SOX5: variants seen among roughly 807,000 people sequenced by gnomAD.
SOX5 encodes the protein SRY-box transcription factor 5.
In SOX5, 9 loss-of-function variants were observed where a neutral mutation model predicts 92.0. That is an observed-to-expected ratio of 0.10 (90% confidence interval 0.06 to 0.17). The LOEUF (loss-of-function observed/expected upper bound fraction) is 0.17, where lower values mean the gene tolerates loss of function less well. Ranked by LOEUF, SOX5 falls within the 10% of genes least tolerant of loss-of-function variation. The pLI is 1.00. For synonymous variants in SOX5, 344 were observed against 336.3 expected (o/e 1.02, Z -0.25); for missense variants, 642 against 944.5 (o/e 0.68, Z 4.20).
chr12:23,859,528 G>A (rs752769216), intron 2 of SOX5, among the ~76,000 whole-genome samples: 2 of 152,132 alleles, frequency 1.3e-5, no homozygotes, highest in South Asian at 2.1e-4. Context: ...TGTGCCCAGC[G>A]GGACATGGAC....
At chr12:24,299,795 A>G (rs1475169589) in intron 2 of SOX5, among the ~76,000 whole-genome samples, 1 of 152,096 alleles carries the variant, frequency 6.6e-6, no homozygotes, top group African/African-American at 2.4e-5. Context: ...GCATCAAACA[A>G]AGGCTTATTT....
Position 24,393,168 on chromosome 12 carries a change from CA to C in SOX5, c.-250-24530del, listed in dbSNP as rs5797082. 0.36 allele frequency among the ~76,000 whole-genome samples: 54,579 copies of C among 152,010 alleles called. 12,365 individuals carry two copies. The highest frequency in any genetic ancestry group is 0.78 in the East Asian group (4,021 of 5,182). On this transcript the variant is annotated intron_variant, in intron 1 of 4. Coordinates refer to the SOX5 transcript ENST00000446891. This position sits in a 1 kb window ranked among gnomAD's most constrained non-coding sequence, Gnocchi z 5.0. ...AAAATACAGCAAAATTAGAAGCTGG[CA>C]AAAAAACAAACCCACTGCCTGGGGC...
At chr12:23,864,403 T>C (rs1407525397) in intron 2 of SOX5, among the ~76,000 whole-genome samples, 1 of 152,102 alleles carries the variant, frequency 6.6e-6, no homozygotes, top group African/African-American at 2.4e-5. Flanking sequence ...AAGCTAGAAA[T>C]TATTATACTT....
At chr12:24,506,996 T>A (rs1004878727) in intron 1 of SOX5, among the ~76,000 whole-genome samples, 5 of 151,792 alleles carry the variant, frequency 3.3e-5, no homozygotes, top group African/African-American at 1.2e-4. Flanking sequence ...TTCACCTTGT[T>A]AGCCAGGATG....
intron 4 of SOX5, among the ~76,000 whole-genome samples, chr12:24,024,901 T>C (rs1954708129): frequency 6.6e-6 from 1 of 152,018 alleles, no homozygotes; most frequent in Non-Finnish European, 1.5e-5. Flanking sequence ...CAAACTTCTC[T>C]ACCCTATAGG....
chr12:23,966,011 C>A (rs1947518464), intron 4 of SOX5, among the ~76,000 whole-genome samples: 2 of 151,932 alleles, frequency 1.3e-5, no homozygotes, highest in African/African-American at 4.8e-5. Context: ...TCTGTGCTGT[C>A]CATTGCTTAA....
At chr12:24,345,239 CT>C (rs1191064541) in intron 2 of SOX5, among the ~76,000 whole-genome samples, 2 of 152,308 alleles carry the variant, frequency 1.3e-5, no homozygotes, top group Middle Eastern at 3.4e-3. Context: ...TTCAGCTATA[CT>C]GTGGAACAGA....
intron 9 of SOX5, among the ~76,000 whole-genome samples, chr12:23,603,657 A>T (rs1166883831): frequency 4.0e-5 from 6 of 151,798 alleles, no homozygotes; most frequent in Non-Finnish European, 8.8e-5. Context: ...ATACAAATTT[A>T]AAATCAATTT....
chr12:24,314,298 C>G (rs1294898508), intron 2 of SOX5, among the ~76,000 whole-genome samples: 1 of 148,948 alleles, frequency 6.7e-6, no homozygotes, highest in Non-Finnish European at 1.5e-5. Flanking sequence ...TTTTTTATGG[C>G]TGCATAGTAC....
In SOX5 at chr12:24,031,991, C is replaced by T. The variant is rs191080334; in HGVS notation, c.-1-135967G>A. 1.4e-4 allele frequency among the ~76,000 whole-genome samples: 21 copies of T among 151,748 alleles called. No homozygotes were observed. In the East Asian group the frequency reaches 2.1e-3, roughly 15 times the overall value. ...AGCAGAGAAAATATTGAATATAAAC[C>T]GGAAGCCAGGTAGTTATTTAAAATG... On this transcript the variant is annotated intron_variant, in intron 4 of 4. Transcript: ENST00000446891.
chr12:23,719,411 T>C (rs998885905), intron 6 of SOX5, among the ~76,000 whole-genome samples: 1 of 152,168 alleles, frequency 6.6e-6, no homozygotes, highest in Non-Finnish European at 1.5e-5. Flanking sequence ...TAAAGATTAT[T>C]AGCATTTCCA....
intron 3 of SOX5, among the ~76,000 whole-genome samples, chr12:23,812,252 T>C (rs910815969): frequency 6.6e-6 from 1 of 151,998 alleles, no homozygotes; most frequent in Non-Finnish European, 1.5e-5. Context: ...TATATTACTG[T>C]TTTTTTAATC....
chr12:24,441,484 GT>G (rs1218016472), intron 1 of SOX5, among the ~76,000 whole-genome samples: 1 of 152,190 alleles, frequency 6.6e-6, no homozygotes, highest in Non-Finnish European at 1.5e-5. Flanking sequence ...GCAATTGGAT[GT>G]GTTTTTACTA....
chr12:24,550,736 G>A (rs1953072205), intron 1 of SOX5, among the ~76,000 whole-genome samples: 1 of 152,210 alleles, frequency 6.6e-6, no homozygotes, highest in Non-Finnish European at 1.5e-5. Context: ...GGAAGAAAGA[G>A]GCTGCATAGA....
At chr12:23,559,437 A>G (rs1945810106) in intron 11 of SOX5, among the ~76,000 whole-genome samples, 2 of 152,218 alleles carry the variant, frequency 1.3e-5, no homozygotes, top group South Asian at 4.1e-4. Flanking sequence ...CCTGACACAT[A>G]CAGTTCTTGG....
intron 3 of SOX5, chr12:24,237,865 G>A (rs1385078818): frequency 3.3e-5 from 5 of 152,148 alleles, no homozygotes; most frequent in Admixed American, 2.0e-4. Context: ...GGCAGCTTCT[G>A]AGAATGCACA....
rs1228324364 is a variant in SOX5, at chr12:24,119,054, T to C, written c.-2+94289A>G. Among the ~76,000 whole-genome samples the C allele has an allele frequency of 2.6e-5, 4 of 152,054 alleles. No individual in the cohort carries two copies. In the South Asian group the frequency reaches 6.2e-4, roughly 24 times the overall value. ...AAAATGAGGAATATTTTTTTTAATA[T>C]TTGGTCACATACAATTATAAAAATT... On this transcript the variant is annotated intron_variant, in intron 4 of 4. Transcript: ENST00000446891.
intron 2 of SOX5, among the ~76,000 whole-genome samples, chr12:24,330,520 A>G (rs1038635205): frequency 6.6e-6 from 1 of 152,198 alleles, no homozygotes; most frequent in Non-Finnish European, 1.5e-5. Context: ...ATCCTGCCTG[A>G]GTGTCCTTGA....
intron 4 of SOX5, among the ~76,000 whole-genome samples, chr12:24,050,339 A>G (rs756095695): frequency 1.3e-5 from 2 of 152,160 alleles, no homozygotes; most frequent in Non-Finnish European, 2.9e-5. Flanking sequence ...CTAGACATAC[A>G]TTACTCAGAG....
Sources: gnomAD v4.1 joint callset for allele counts (sites outside exome capture counted in the v4.1 genomes callset) on GRCh38, gnomAD v4.1.1 for gene constraint, Gnocchi (gnomAD v3.1) non-coding constraint, MANE v1.5 for transcripts, NCBI Gene and HGNC (gene_info 2026-07-23, HGNC 2026-07-21) for gene names.